P2RX6: variants seen among roughly 807,000 people sequenced by gnomAD.
P2RX6 encodes the protein purinergic receptor P2X 6, also known as P2X purinoceptor 6.
P2RX6 carries 62 observed loss-of-function variants against 54.2 expected under a neutral mutation model. The observed-to-expected ratio is 1.14, with a 90% CI of 0.93 to 1.41. The LOEUF (loss-of-function observed/expected upper bound fraction) is 1.41, where lower values mean the gene tolerates loss of function less well. P2RX6 is among the 40% of genes most tolerant of loss of function. The probability of loss-of-function intolerance (pLI) is 0.00; values close to 1 mark genes in which losing one functional copy is unlikely to be tolerated. For missense variants in P2RX6, 541 were observed against 566.3 expected (o/e 0.96, Z 0.45); for synonymous variants, 211 against 231.9 (o/e 0.91, Z 0.82).
At chr22:21,020,628 T>C (rs1927212915) in intron 3 of P2RX6, among the ~76,000 whole-genome samples, 1 of 148,312 alleles carries the variant, frequency 6.7e-6, no homozygotes, top group African/African-American at 2.5e-5. Flanking sequence ...TCTCGCTCTG[T>C]CACCCAGGCT....
chr22:21,023,364 T>C lies in P2RX6; in HGVS notation c.728T>C (p.Ile243Thr), dbSNP rs748056755. The change falls in exon 7 of 12, where the codon ATT becomes ACT. Residue 243 changes from isoleucine (I) to threonine (T), a missense_variant. Physicochemically the swap from Ile to Thr is moderately conservative, Grantham distance 89. This residue lies in a region of P2RX6 where 526 missense variants were observed against 531.5 expected (regional missense o/e 0.99). Coordinates refer to ENST00000413302, the MANE Select transcript of P2RX6 (RefSeq NM_005446.5). Reference sequence around the variant, plus strand: ...AGCCCCTACTGTCCCGTGTTCCGCATTGGGGACCTCGTGGCCAAGGCTGGA... The same window carrying C: ...AGCCCCTACTGTCCCGTGTTCCGCACTGGGGACCTCGTGGCCAAGGCTGGA... ...QFSPYCPVFR[I>T]GDLVAKAGGT... The C allele has an allele frequency of 8.9e-5, 144 of 1,613,878 alleles. 1 individual carries two copies. Among genetic ancestry groups the C allele is most frequent in the South Asian group, 7.7e-4 (70 of 91,084 alleles).
chr22:21,012,434 C>T (rs1925789285), upstream of P2RX6: 3 of 418,108 alleles, frequency 7.2e-6, no homozygotes, highest in Non-Finnish European at 1.4e-5. Context: ...CAGCAGGACC[C>T]AGGTGACATG....
At position 21,026,294 on chromosome 22, in the gene P2RX6, G is replaced by A. The variant is rs142039298; in HGVS notation, c.1093G>A (p.Glu365Lys). 33 of 1,607,326 alleles carry A rather than the reference G, an allele frequency of 2.1e-5. No individual in the cohort carries two copies. Among genetic ancestry groups the A allele is most frequent in the Non-Finnish European group, 2.5e-5 (29 of 1,177,236 alleles). The change falls in exon 11 of 12, where the codon GAA (glutamate) becomes AAA (lysine). Residue 365 changes from glutamate (E) to lysine (K), a missense_variant. Physicochemically the swap from Glu to Lys is moderately conservative, Grantham distance 56. Around this residue, in one of 2 missense-constraint regions of P2RX6, gnomAD observed 526 missense variants for 531.5 expected, o/e 0.99. Coordinates refer to ENST00000413302, the MANE Select transcript of P2RX6 (RefSeq NM_005446.5). This position sits in a 1 kb window ranked among gnomAD's most constrained non-coding sequence, Gnocchi z 4.0. ...CCTGCTACTGCTGTATGTGGATAGA[G>A]AAGCCCATTTCTACTGGAGGACAAA... ...CDLLLLYVDREAHFYWRTKYE... is the reference protein window; with the variant it reads ...CDLLLLYVDRKAHFYWRTKYE...
rs560393085 is a variant in P2RX6 at position 21,026,895 on chromosome 22, C to T, written c.*278C>T. 578 of 543,300 alleles carry T rather than the reference C, an allele frequency of 1.1e-3. 3 individuals carry two copies. In the Middle Eastern group the frequency reaches 0.011, roughly 11 times the overall value. The allele number at this position is 543,300 out of a possible 1,614,324, so 33.7% of individuals were successfully genotyped here. On this transcript the variant is annotated 3_prime_UTR_variant, in exon 12 of 12. Coordinates refer to ENST00000413302, the MANE Select transcript of P2RX6 (RefSeq NM_005446.5). The surrounding 1 kb of genome is among the most constrained non-coding windows in gnomAD (Gnocchi z 4.0). Reference sequence around the variant, plus strand: ...GCTCCGACTGCATGTGGCAGGGGCTCCTGCTGCGTCTGGGCCTGGAGGTCT... The same window carrying T: ...GCTCCGACTGCATGTGGCAGGGGCTTCTGCTGCGTCTGGGCCTGGAGGTCT...
At chr22:21,024,190 C>T (rs1397558008) in intron 8 of P2RX6, among the ~76,000 whole-genome samples, 1 of 151,868 alleles carries the variant, frequency 6.6e-6, no homozygotes, top group African/African-American at 2.4e-5. Context: ...AACCCCTGAC[C>T]TCAGGTGATC....
At chr22:21,019,910 C>A (rs1455318754) in intron 3 of P2RX6, among the ~76,000 whole-genome samples, 1 of 152,228 alleles carries the variant, frequency 6.6e-6, no homozygotes, top group Non-Finnish European at 1.5e-5. Context: ...TTTAAGAACG[C>A]CTTTAAGCGG....
chr22:21,015,182 C>T lies in P2RX6; in HGVS notation c.8C>T (p.Pro3Leu), dbSNP rs1240024958. 4.0e-6 allele frequency: 6 copies of T among 1,501,566 alleles called. No individual in the cohort carries two copies. Among genetic ancestry groups the T allele is most frequent in the Admixed American group, 2.7e-5 (1 of 37,348 alleles). The allele number at this position is 1,501,566 out of a possible 1,614,324, so 93.0% of individuals were successfully genotyped here. The change falls in exon 1 of 12, where the codon CCG (proline) becomes CTG (leucine). Residue 3 changes from proline (P) to leucine (L), a missense_variant. This residue lies in a region of P2RX6 where 15 missense variants were observed against 34.8 expected (regional missense o/e 0.43). Transcript: ENST00000413302. MCPQLAGAGSMGS... is the reference protein window; with the variant it reads MCLQLAGAGSMGS... ...CAGCTGCCATGCTGACTCATGTGCC[C>T]GCAGCTAGCAGGAGCTGGCAGCATG...
chr22:21,012,556 C>A (rs1925799128), upstream of P2RX6: 2 of 620,224 alleles, frequency 3.2e-6, no homozygotes, highest in Admixed American at 2.2e-5. Context: ...GCTCAGGGCA[C>A]CTGCCAGGGC....
At chr22:21,021,381 T>C (rs1444475227) in intron 3 of P2RX6, among the ~76,000 whole-genome samples, 1 of 151,984 alleles carries the variant, frequency 6.6e-6, no homozygotes, top group African/African-American at 2.4e-5. Context: ...CTGCTGGGCA[T>C]AGGTGGATGA....
intron 8 of P2RX6, among the ~76,000 whole-genome samples, chr22:21,024,419 G>A (rs921349217): frequency 4.0e-5 from 6 of 151,564 alleles, no homozygotes; most frequent in East Asian, 3.9e-4. Context: ...CTGGGACTAC[G>A]GGTGCACGCC....
At chr22:21,020,504 C>T (rs948822432) in intron 3 of P2RX6, among the ~76,000 whole-genome samples, 1 of 152,128 alleles carries the variant, frequency 6.6e-6, no homozygotes, top group Non-Finnish European at 1.5e-5. Flanking sequence ...ACATGGACAG[C>T]CCAGCCCAGG....
Position 21,026,573 on chromosome 22 carries a change from C to A in P2RX6, c.1282C>A (p.Pro428Thr). 6.3e-7 allele frequency: 1 copy of A among 1,590,756 alleles called. No individual in the cohort carries two copies. Among genetic ancestry groups the A allele is most frequent in the Non-Finnish European group, 8.5e-7 (1 of 1,169,602 alleles). ...SQTQTPGWPC[P>T]SSDTHLPTHS... ...GACACAGACACCAGGATGGCCCTGT[C>A]CAAGTTCTGACACCCACTTGCCAAC... Residue 428 changes from proline to threonine, a missense_variant, in exon 12 of 12, where the codon CCA becomes ACA. Transcript: ENST00000413302. The surrounding 1 kb of genome is among the most constrained non-coding windows in gnomAD (Gnocchi z 4.0).
chr22:21,020,800 C>G (rs1416801824), intron 3 of P2RX6, among the ~76,000 whole-genome samples: 2 of 151,968 alleles, frequency 1.3e-5, no homozygotes, highest in African/African-American at 4.8e-5. Flanking sequence ...CTGTGTCGGC[C>G]AGGCTGGTCT....
rs1357424476 is a variant in P2RX6, at chr22:21,023,435, G to A, written c.780+19G>A. The A allele has an allele frequency of 1.3e-5, 21 of 1,613,808 alleles. No homozygotes were observed. Among genetic ancestry groups the A allele is most frequent in the Non-Finnish European group, 1.5e-5 (18 of 1,179,860 alleles). On this transcript the variant is annotated intron_variant, in intron 7 of 11. Transcript: ENST00000413302. ...GTTGCTGGTGGGTCCCAAGTTGGGG[G>A]CAGGGTTCCTAGAGGGCTCTGGGAG...
chr22:21,015,097 T>C, upstream of P2RX6: 1 of 864,866 alleles, frequency 1.2e-6, no homozygotes, highest in Non-Finnish European at 1.7e-6. Flanking sequence ...AGTGTCCCTT[T>C]AACAGCAACT....
At chr22:21,022,829 G>A (rs1927661552) in intron 4 of P2RX6, 78 bp downstream of exon 4, 1 of 1,473,008 alleles carries the variant, frequency 6.8e-7, no homozygotes, top group East Asian at 2.3e-5. Context: ...CCTGAGTGCA[G>A]GCCCTGCTCG....
rs945872218 is a variant in P2RX6 at position 21,026,129 on chromosome 22, G to C, written c.1050+53G>C. The C allele has an allele frequency of 1.3e-6, 2 of 1,568,836 alleles. No individual in the cohort carries two copies. The highest frequency in any genetic ancestry group is 1.7e-6 in the Non-Finnish European group (2 of 1,153,262). On this transcript the variant is annotated intron_variant, in intron 10 of 11. Coordinates refer to ENST00000413302, the MANE Select transcript of P2RX6 (RefSeq NM_005446.5). This position sits in a 1 kb window ranked among gnomAD's most constrained non-coding sequence, Gnocchi z 4.0. ...AGGCTGCAGTGAGTGCTGCTGACCA[G>C]GGTGTGTCCAATGCATGCTGGAGCC...
At chr22:21,012,617 C>T (rs1401286821), upstream of P2RX6, 12 of 598,588 alleles carry the variant, frequency 2.0e-5, no homozygotes, top group Non-Finnish European at 2.5e-5. Flanking sequence ...AGCCACTTGA[C>T]ATATGGATTG....
chr22:21,018,131 C>T, intron 3 of P2RX6, 71 bp downstream of exon 3: 1 of 964,430 alleles, frequency 1.0e-6, no homozygotes, highest in East Asian at 2.5e-5. Context: ...ACCCGTGTTT[C>T]CCTTTCCCCT....
Sources: allele counts gnomAD v4.1 joint callset (sites outside exome capture counted in the v4.1 genomes callset), GRCh38; gene constraint gnomAD v4.1.1; regional missense constraint gnomAD v4.1.1; non-coding constraint Gnocchi (gnomAD v3.1); transcripts MANE v1.5; gene names NCBI Gene and HGNC (gene_info 2026-07-23, HGNC 2026-07-21).